Variants in TSPEAR observed in about 807,000 individuals in gnomAD.
The protein encoded by TSPEAR is thrombospondin-type laminin G domain and EAR repeat-containing protein.
Under a neutral mutation model 71.6 loss-of-function variants are expected in TSPEAR, and 69 were observed. That is an observed-to-expected ratio of 0.96 (90% CI 0.79 to 1.18). TSPEAR has a LOEUF of 1.18. Among genes scored for constraint, TSPEAR ranks in the 50% most tolerant of loss-of-function variants. TSPEAR has a pLI of 0.00. For synonymous variants in TSPEAR, 402 were observed against 387.2 expected (o/e 1.04, Z -0.45); for missense variants, 971 against 894.9 (o/e 1.09, Z -1.09).
intron 2 of TSPEAR, among the ~76,000 whole-genome samples, chr21:44,548,009 C>CA (rs1235891637): frequency 3.0e-4 from 45 of 152,230 alleles, no homozygotes; most frequent in Non-Finnish European, 5.1e-4. Flanking sequence ...CTTTTCCTCC[C>CA]AGGCTTTTTG....
chr21:44,574,517 G>C lies in TSPEAR; in HGVS notation c.83-6512C>G, dbSNP rs781855096. The C allele has an allele frequency of 2.5e-6, 4 of 1,606,808 alleles. No individual in the cohort carries two copies. In the Admixed American group the frequency reaches 6.8e-5, roughly 27 times the overall value. ...AGGATTCCTCTTCATGCTGCCAGCA[G>C]TCTAGCTGCCAGCCGGCTTGCTGCA... On this transcript the variant is annotated intron_variant, in intron 1 of 11. Coordinates refer to ENST00000323084, the MANE Select transcript of TSPEAR (RefSeq NM_144991.3).
chr21:44,584,618 C>G (rs587599934), intron 1 of TSPEAR, among the ~76,000 whole-genome samples: 20 of 152,338 alleles, frequency 1.3e-4, no homozygotes, highest in African/African-American at 4.6e-4. Flanking sequence ...CCCTCTCTCT[C>G]TCTCTCACAC....
intron 1 of TSPEAR, among the ~76,000 whole-genome samples, chr21:44,639,179 C>A (rs189635558): frequency 1.2e-3 from 178 of 152,290 alleles, no homozygotes; most frequent in African/African-American, 4.1e-3. Context: ...TGGACTCTGA[C>A]CCCGAGGACC....
rs987818967 is a variant in TSPEAR at position 44,627,024 on chromosome 21, G to T, written c.83-59019C>A. 1.7e-5 allele frequency: 21 copies of T among 1,268,718 alleles called. No homozygotes were observed. In the East Asian group the frequency reaches 3.1e-4, roughly 19 times the overall value. The allele number at this position is 1,268,718 out of a possible 1,614,324, so 78.6% of individuals were successfully genotyped here. A position where few individuals can be genotyped will look rare whatever the true frequency, so the allele number is the denominator to read the frequency against. ...GACGCCGCCTCTCAGCAACAAGGAA[G>T]GGGAAGCTGTGGGCCCTGGAACAAC... is the stretch of plus-strand genomic sequence containing the variant. On this transcript the variant is annotated intron_variant, in intron 1 of 11. Coordinates refer to ENST00000323084, the MANE Select transcript of TSPEAR (RefSeq NM_144991.3).
intron 9 of TSPEAR, among the ~76,000 whole-genome samples, chr21:44,516,999 G>A (rs115136561): frequency 0.042 from 6,430 of 152,188 alleles, 419 homozygotes; most frequent in African/African-American, 0.14. Flanking sequence ...CCACCTCAGC[G>A]GCTGCTGCAC....
intron 1 of TSPEAR, among the ~76,000 whole-genome samples, chr21:44,674,743 T>TGTGTGC (rs1260957773): frequency 8.3e-6 from 1 of 120,032 alleles, no homozygotes; most frequent in Non-Finnish European, 1.7e-5. Context: ...TGTGTGTGTG[T>TGTGTGC]GTGTGTGTGT....
chr21:44,599,134 T>TTCTCTCTCTCTCTC (rs58774528), intron 1 of TSPEAR, among the ~76,000 whole-genome samples: 7,783 of 92,058 alleles, frequency 0.085, 1,201 homozygotes, highest in Non-Finnish European at 0.12. Context: ...GGCCCCCATT[T>TTCTCTCTCTCTCTC]TCTCTCTCTC....
At chr21:44,599,817 A>G (rs1204294060) in intron 1 of TSPEAR, among the ~76,000 whole-genome samples, 1 of 152,244 alleles carries the variant, frequency 6.6e-6, no homozygotes, top group Non-Finnish European at 1.5e-5. Context: ...CTGCAAGCGA[A>G]AGCAGTGCTT....
At chr21:44,628,170 G>A (rs587769948) in intron 1 of TSPEAR, 117 of 1,288,264 alleles carry the variant, frequency 9.1e-5, no homozygotes, top group African/African-American at 1.9e-4. Flanking sequence ...AGCCACAGCC[G>A]CCCAGCCCCG....
chr21:44,638,600 C>T (rs1053322244), intron 1 of TSPEAR: 77 of 236,956 alleles, frequency 3.2e-4, no homozygotes, highest in Non-Finnish European at 5.6e-4. Context: ...TCTGTGGACC[C>T]CCGAGGGGCA....
chr21:44,697,396 G>A (rs201428731), intron 1 of TSPEAR: 1 of 1,613,586 alleles, frequency 6.2e-7, no homozygotes, highest in East Asian at 2.2e-5. Flanking sequence ...GCTGCCGAGT[G>A]ACCTGTGAGC....
rs375001728 is a variant in TSPEAR at position 44,574,261 on chromosome 21, T to C, written c.83-6256A>G. On this transcript the variant is annotated intron_variant, in intron 1 of 11. Coordinates refer to ENST00000323084, the MANE Select transcript of TSPEAR (RefSeq NM_144991.3). ...TGCTGCAAGCCTGTCTGCTCTGGGA[T>C]TTCCTCTTCGTGCTGCCAGCAGTCT... 911 of 1,568,310 alleles carry C rather than the reference T, an allele frequency of 5.8e-4. No individual in the cohort carries two copies. The African/African-American group carries it at 0.012, about 21-fold the overall frequency.
intron 1 of TSPEAR, among the ~76,000 whole-genome samples, chr21:44,668,702 T>C (rs1451477798): frequency 6.6e-6 from 1 of 152,180 alleles, no homozygotes; most frequent in Non-Finnish European, 1.5e-5. Context: ...TATAGACTAA[T>C]GGAATAGCAT....
intron 3 of TSPEAR, among the ~76,000 whole-genome samples, 160 bp downstream of exon 3, chr21:44,533,525 G>A (rs587629814): frequency 6.0e-5 from 9 of 150,450 alleles, no homozygotes; most frequent in Admixed American, 1.3e-4. Context: ...CTCCTGCCCC[G>A]TGGATGGCTC....
At chr21:44,505,719 C>T (rs1438009279) in intron 10 of TSPEAR, among the ~76,000 whole-genome samples, 4 of 151,922 alleles carry the variant, frequency 2.6e-5, no homozygotes, top group Non-Finnish European at 5.9e-5. Flanking sequence ...AAGGTTCATC[C>T]GTGTCGCACT....
rs782674228 is a variant in TSPEAR, at chr21:44,601,728, C to A, written c.83-33723G>T. 2.5e-6 allele frequency: 4 copies of A among 1,610,044 alleles called. No homozygotes were observed. The South Asian group carries it at 4.4e-5, about 18-fold the overall frequency. ...GCCCCACCTCAACCCAGAAGTCCAG[C>A]TGCTGAGTGATCTCCTTAAGATCAT... On this transcript the variant is annotated intron_variant, in intron 1 of 11. Transcript: ENST00000323084.
rs76335606 is a variant in TSPEAR, at chr21:44,634,946, G to A, written c.83-66941C>T. Among the ~76,000 whole-genome samples, 1,218 of 152,268 alleles carry A rather than the reference G, an allele frequency of 8.0e-3. 20 individuals carry two copies. The highest frequency in any genetic ancestry group is 0.028 in the African/African-American group (1,159 of 41,536). On this transcript the variant is annotated intron_variant, in intron 1 of 11. Transcript: ENST00000323084. ...GATGCTGTGAAAAACAGTCTGGCACGTCCTCAAAATGTAAACATGGAATTC... is the reference window on the plus strand; with the variant it reads ...GATGCTGTGAAAAACAGTCTGGCACATCCTCAAAATGTAAACATGGAATTC...
chr21:44,610,307 C>T (rs1981576840), intron 1 of TSPEAR, among the ~76,000 whole-genome samples: 1 of 152,152 alleles, frequency 6.6e-6, no homozygotes, highest in African/African-American at 2.4e-5. Flanking sequence ...GCCTGGAGGC[C>T]TGGGAGGAAA....
At chr21:44,700,593 G>C (rs1251798723) in intron 1 of TSPEAR, among the ~76,000 whole-genome samples, 1 of 152,164 alleles carries the variant, frequency 6.6e-6, no homozygotes, top group Non-Finnish European at 1.5e-5. Context: ...TCCGTGGTTT[G>C]AATCTGCCTT....
Sources: allele counts gnomAD v4.1 joint callset (sites outside exome capture counted in the v4.1 genomes callset), GRCh38; gene constraint gnomAD v4.1.1; transcripts MANE v1.5; gene names NCBI Gene and HGNC (gene_info 2026-07-23, HGNC 2026-07-21).